The following ADAMTS9 variants were observed in gnomAD, a reference collection of about 807,000 sequenced individuals.
ADAMTS9 encodes the protein A disintegrin and metalloproteinase with thrombospondin motifs 9.
Under a neutral mutation model 257.1 loss-of-function variants are expected in ADAMTS9, and 107 were observed. That is an observed-to-expected ratio of 0.42 (90% CI 0.36 to 0.49). ADAMTS9 has a LOEUF of 0.49. ADAMTS9 is among the 20% of genes least tolerant of loss of function. The pLI is 0.03. For missense variants in ADAMTS9, 2,353 were observed against 2,469.1 expected, an observed-to-expected ratio of 0.95 and a Z score of 1.00; for synonymous variants, 982 against 880.9, an observed-to-expected ratio of 1.11 and a Z score of -2.03.
chr3:64,658,453 A>G, intron 4 of ADAMTS9, 49 bp downstream of exon 4: 1 of 1,557,406 alleles, frequency 6.4e-7, no homozygotes, highest in South Asian at 1.2e-5. Context: ...CCATTCCCCA[A>G]TGGCACATTT....
Position 64,654,625 on chromosome 3 carries a change from C to T in ADAMTS9, c.1170-13G>A. 1.2e-6 allele frequency: 2 copies of T among 1,613,994 alleles called. No individual in the cohort carries two copies. The highest frequency in any genetic ancestry group is 1.7e-6 in the Non-Finnish European group (2 of 1,179,928). ...GCAGATATCCTGTCTGAAAGCAAAG[C>T]AGACTTAGGCCTTGATGACATCAAA... On this transcript the variant is annotated splice_polypyrimidine_tract_variant and intron_variant, in intron 6 of 39. Transcript: ENST00000498707.
At chr3:64,636,700 G>A (rs1481774804) in intron 12 of ADAMTS9, among the ~76,000 whole-genome samples, 2 of 152,106 alleles carry the variant, frequency 1.3e-5, no homozygotes, top group Non-Finnish European at 2.9e-5. Context: ...AAGATTTTGG[G>A]ACACATGTGA....
rs546666870 is a variant in ADAMTS9 at position 64,597,051 on chromosome 3, G to T, written c.4018-60C>A. 4 of 1,596,874 alleles carry T rather than the reference G, an allele frequency of 2.5e-6. No homozygotes were observed. In the African/African-American group the frequency reaches 5.4e-5, roughly 21 times the overall value. The stretch of plus-strand genomic sequence containing the variant: ...CAATCTCCATCTTAGGGACACAGAA[G>T]CAGCTGGTTGAAAGGTTAAGACAAA... On this transcript the variant is annotated intron_variant, in intron 26 of 39. Transcript: ENST00000498707.
intron 25 of ADAMTS9, 96 bp from the exon 26 acceptor site, chr3:64,602,309 C>T (rs2084478392): frequency 6.9e-7 from 1 of 1,453,704 alleles, no homozygotes; most frequent in African/African-American, 1.4e-5. Context: ...CACCACTTTC[C>T]CAAATTGCTC....
In ADAMTS9 at chr3:64,631,399, T is replaced by A. The variant is rs778938753; in HGVS notation, c.2389+56A>T. Reference sequence around the variant, plus strand: ...ATGCCAGAGAAGGAAGGAAGCAGTATCTGGCCACTGCTCCATAGAACCAGA... The same window carrying A: ...ATGCCAGAGAAGGAAGGAAGCAGTAACTGGCCACTGCTCCATAGAACCAGA... On this transcript the variant is annotated intron_variant, in intron 16 of 39. Coordinates refer to ENST00000498707, the MANE Select transcript of ADAMTS9 (RefSeq NM_182920.2). The A allele has an allele frequency of 5.8e-5, 79 of 1,369,414 alleles. No homozygotes were observed. In the Middle Eastern group the frequency reaches 2.7e-3, roughly 47 times the overall value. 84.8% of individuals were successfully genotyped at this position (1,369,414 alleles called of 1,614,324 possible).
intron 3 of ADAMTS9, among the ~76,000 whole-genome samples, chr3:64,674,737 G>A (rs796783335): frequency 3.3e-5 from 5 of 152,300 alleles, no homozygotes; most frequent in African/African-American, 9.6e-5. Flanking sequence ...CAAAGCTTCC[G>A]TCACTGCCTG....
intron 37 of ADAMTS9, among the ~76,000 whole-genome samples, chr3:64,533,696 C>T (rs923814522): frequency 6.6e-6 from 1 of 152,210 alleles, no homozygotes; most frequent in African/African-American, 2.4e-5. Context: ...ATCTTGGTGC[C>T]AAGCTTCCTG....
At chr3:64,623,595 G>A (rs989765855) in intron 16 of ADAMTS9, among the ~76,000 whole-genome samples, 1 of 152,154 alleles carries the variant, frequency 6.6e-6, no homozygotes, top group Non-Finnish European at 1.5e-5. Context: ...AAGCCACTAT[G>A]TCCTGAGATA....
intron 14 of ADAMTS9, among the ~76,000 whole-genome samples, 167 bp from the exon 15 acceptor site, chr3:64,632,092 A>C (rs1700380592): frequency 6.6e-6 from 1 of 152,224 alleles, no homozygotes; most frequent in South Asian, 2.1e-4. Context: ...GCTATTTAAA[A>C]TGTGGTCCTT....
At chr3:64,565,701 A>G (rs1370550052) in intron 29 of ADAMTS9, 1 of 152,216 alleles carries the variant, frequency 6.6e-6, no homozygotes, top group Non-Finnish European at 1.5e-5. Flanking sequence ...GAGTCTTCAC[A>G]TTTGTCAGTC....
At chr3:64,564,431 G>T (rs761011695) in intron 29 of ADAMTS9, among the ~76,000 whole-genome samples, 4 of 152,076 alleles carry the variant, frequency 2.6e-5, no homozygotes, top group Non-Finnish European at 5.9e-5. Context: ...CTGAAATTAT[G>T]GTGATGACAT....
chr3:64,541,993 C>A, intron 32 of ADAMTS9, 23 bp from the exon 33 acceptor site: 2 of 1,613,530 alleles, frequency 1.2e-6, no homozygotes, highest in South Asian at 1.1e-5. Context: ...TGAGAGTCAG[C>A]GGTGTGGCTA....
intron 6 of ADAMTS9, 119 bp from the exon 7 acceptor site, chr3:64,654,731 A>G: frequency 1.8e-6 from 2 of 1,116,812 alleles, no homozygotes; most frequent in Non-Finnish European, 2.6e-6. Flanking sequence ...GGGGTTAAAA[A>G]AAGCAAATTC....
At chr3:64,538,504 A>T (rs967547353) in intron 37 of ADAMTS9, among the ~76,000 whole-genome samples, 1 of 151,678 alleles carries the variant, frequency 6.6e-6, no homozygotes, top group Non-Finnish European at 1.5e-5. Context: ...TTACCAATGC[A>T]CCCAACTAAT....
At chr3:64,620,155 TG>T (rs1396848541) in intron 19 of ADAMTS9, among the ~76,000 whole-genome samples, 1 of 152,124 alleles carries the variant, frequency 6.6e-6, no homozygotes, top group Non-Finnish European at 1.5e-5. Context: ...CAGTCAGAAC[TG>T]GCAAAAATAT....
At chr3:64,538,113 A>G (rs537000031) in intron 37 of ADAMTS9, among the ~76,000 whole-genome samples, 2 of 152,316 alleles carry the variant, frequency 1.3e-5, no homozygotes, top group Non-Finnish European at 2.9e-5. Context: ...GGTTGAGTCA[A>G]TGACATCCAC....
chr3:64,615,218 A>G, intron 21 of ADAMTS9, 103 bp downstream of exon 21: 2 of 1,294,566 alleles, frequency 1.5e-6, no homozygotes, highest in Non-Finnish European at 2.1e-6. Context: ...AGAAAGGGAG[A>G]GGTGGGAGAA....
At chr3:64,625,084 C>A (rs1700194763) in intron 16 of ADAMTS9, among the ~76,000 whole-genome samples, 1 of 152,100 alleles carries the variant, frequency 6.6e-6, no homozygotes, top group South Asian at 2.1e-4. Flanking sequence ...AAGATACAGG[C>A]CATATATTTA....
rs988556290 is a variant in ADAMTS9 at position 64,658,703 on chromosome 3, T to C, written c.768A>G (p.Ala256=). The change falls in exon 4 of 40, where the codon GCA becomes GCG. Residue 256 remains alanine (A), a synonymous_variant. Transcript: ENST00000498707. ...CCTCTGTTGCTAAGCCGCTGTTTAA[T>C]GCTGCTACGTCACCAGCCAGGTTAA... The part of the protein sequence containing the change: ...ERINLAGDVA[A]LNSGLATEAF... 1.2e-6 allele frequency: 2 copies of C among 1,614,206 alleles called. No individual in the cohort carries two copies. Among genetic ancestry groups the C allele is most frequent in the Non-Finnish European group, 1.7e-6 (2 of 1,180,024 alleles).
Sources: gnomAD v4.1 joint callset for allele counts (sites outside exome capture counted in the v4.1 genomes callset) on GRCh38, gnomAD v4.1.1 for gene constraint, MANE v1.5 for transcripts, NCBI Gene and HGNC (gene_info 2026-07-23, HGNC 2026-07-21) for gene names.